DLGAP1: variants seen among roughly 807,000 people sequenced by gnomAD.
The protein encoded by DLGAP1 is DLG associated protein 1.
Under a neutral mutation model 90.8 loss-of-function variants are expected in DLGAP1, and 11 were observed. That is an observed-to-expected ratio of 0.12 (90% CI 0.08 to 0.20). The LOEUF is 0.20. DLGAP1 is among the 10% of genes least tolerant of loss of function. The probability of loss-of-function intolerance (pLI) is 1.00; values close to 1 mark genes in which losing one functional copy is unlikely to be tolerated. For synonymous variants in DLGAP1, 558 were observed against 540.7 expected, an observed-to-expected ratio of 1.03 and a Z score of -0.44; for missense variants, 1,050 against 1,333.8, an observed-to-expected ratio of 0.79 and a Z score of 3.31.
chr18:4,435,298 TA>T (rs1392982545), intron 1 of DLGAP1, among the ~76,000 whole-genome samples: 1 of 152,112 alleles, frequency 6.6e-6, no homozygotes, highest in Non-Finnish European at 1.5e-5. Flanking sequence ...TACAAGGAAG[TA>T]AAAGTGTAGG....
intron 3 of DLGAP1, among the ~76,000 whole-genome samples, chr18:3,967,970 G>A (rs2073365363): frequency 6.6e-6 from 1 of 151,806 alleles, no homozygotes; most frequent in Non-Finnish European, 1.5e-5. Flanking sequence ...CCTTGTGGCT[G>A]TTTTGAACAT....
intron 2 of DLGAP1, among the ~76,000 whole-genome samples, chr18:4,150,170 A>T (rs547883550): frequency 6.6e-6 from 1 of 152,168 alleles, no homozygotes; most frequent in Non-Finnish European, 1.5e-5. Context: ...GCTCCCTAAT[A>T]AATTGCCATA....
chr18:4,108,309 C>T (rs1165684002), intron 2 of DLGAP1, among the ~76,000 whole-genome samples: 2 of 152,162 alleles, frequency 1.3e-5, no homozygotes, highest in East Asian at 1.9e-4. Context: ...TTAGATCACA[C>T]CCATTGGTCC....
intron 3 of DLGAP1, among the ~76,000 whole-genome samples, chr18:3,966,978 G>A (rs2073345073): frequency 6.6e-6 from 1 of 152,100 alleles, no homozygotes; most frequent in Non-Finnish European, 1.5e-5. Context: ...GGAGGAGGAG[G>A]AGAAAGCCAG....
intron 2 of DLGAP1, among the ~76,000 whole-genome samples, chr18:4,080,095 C>A (rs1160422664): frequency 1.3e-5 from 2 of 152,094 alleles, no homozygotes; most frequent in South Asian, 2.1e-4. Flanking sequence ...AGTGAAAGAG[C>A]TATGTTCCTA....
rs186625635 is a variant in DLGAP1 at position 3,976,415 on chromosome 18, T to C, written c.-73+28701A>G. Among the ~76,000 whole-genome samples, 44 of 151,964 alleles carry C rather than the reference T, an allele frequency of 2.9e-4. No homozygotes were observed. The East Asian group carries it at 6.6e-3, about 23-fold the overall frequency. On this transcript the variant is annotated intron_variant, in intron 3 of 12. Transcript: ENST00000315677. Reference sequence around the variant, plus strand: ...TTATACATATTACCATAATAACAAATGCATTAAGGAAAATATAGAGAATAG... The same window carrying C: ...TTATACATATTACCATAATAACAAACGCATTAAGGAAAATATAGAGAATAG...
chr18:4,305,374 A>C (rs1475684541), intron 1 of DLGAP1, among the ~76,000 whole-genome samples: 2 of 152,024 alleles, frequency 1.3e-5, no homozygotes, highest in Non-Finnish European at 2.9e-5. Flanking sequence ...GTCTCTACTA[A>C]AAATACAAAA....
chr18:3,854,633 C>T (rs977852224), intron 4 of DLGAP1, among the ~76,000 whole-genome samples: 5 of 152,126 alleles, frequency 3.3e-5, no homozygotes, highest in African/African-American at 1.2e-4. Flanking sequence ...TGGCCCTTGC[C>T]TAGAATACAC....
intron 2 of DLGAP1, among the ~76,000 whole-genome samples, chr18:4,147,567 A>C (rs911032878): frequency 7.0e-6 from 1 of 142,578 alleles, no homozygotes; most frequent in Non-Finnish European, 1.5e-5. Flanking sequence ...CTGTTCATCC[A>C]TTCTTCCATC....
At chr18:3,678,344 C>T (rs2060386345) in intron 7 of DLGAP1, among the ~76,000 whole-genome samples, 2 of 152,068 alleles carry the variant, frequency 1.3e-5, no homozygotes, top group African/African-American at 2.4e-5. Context: ...GGAATTATCT[C>T]TCTATCTCTG....
chr18:4,194,382 A>G (rs904111021), intron 1 of DLGAP1, among the ~76,000 whole-genome samples: 3 of 152,228 alleles, frequency 2.0e-5, no homozygotes, highest in Non-Finnish European at 4.4e-5. Context: ...AAAGATTAAG[A>G]TACACATTTA....
At chr18:4,133,723 G>A (rs181406214) in intron 2 of DLGAP1, among the ~76,000 whole-genome samples, 32 of 152,204 alleles carry the variant, frequency 2.1e-4, no homozygotes, top group African/African-American at 5.8e-4. Context: ...TGTCTGGTAC[G>A]GAAGGATTCA....
intron 6 of DLGAP1, 144 bp downstream of exon 6, chr18:3,742,191 T>G: frequency 1.9e-6 from 2 of 1,056,868 alleles, no homozygotes; most frequent in Non-Finnish European, 2.7e-6. Flanking sequence ...GGCATGCTCT[T>G]TGCAGCACTT....
intron 1 of DLGAP1, among the ~76,000 whole-genome samples, chr18:4,204,383 G>A (rs1220193273): frequency 6.6e-6 from 1 of 152,114 alleles, no homozygotes; most frequent in East Asian, 1.9e-4. Context: ...CAACTCAATG[G>A]GCAGGAAGTC....
At chr18:3,985,121 C>T (rs1327189467) in intron 3 of DLGAP1, among the ~76,000 whole-genome samples, 2 of 152,202 alleles carry the variant, frequency 1.3e-5, no homozygotes, top group South Asian at 2.1e-4. Flanking sequence ...ATACCAGCCA[C>T]ATGCATCTGC....
intron 1 of DLGAP1, among the ~76,000 whole-genome samples, chr18:4,321,887 C>T (rs982138350): frequency 2.6e-5 from 4 of 152,106 alleles, no homozygotes; most frequent in Admixed American, 6.6e-5. Flanking sequence ...TGGTGGCATC[C>T]TACTACCTGA....
intron 2 of DLGAP1, among the ~76,000 whole-genome samples, chr18:4,099,637 G>A (rs1182426355): frequency 2.0e-5 from 3 of 151,878 alleles, no homozygotes; most frequent in African/African-American, 7.3e-5. Context: ...GTTGGTGGCT[G>A]CTGATGATCA....
chr18:4,086,722 T>G (rs1442909747), intron 2 of DLGAP1, among the ~76,000 whole-genome samples: 2 of 152,104 alleles, frequency 1.3e-5, no homozygotes, highest in Non-Finnish European at 2.9e-5. Flanking sequence ...CAATATGATC[T>G]CTCTTGGTGA....
At chr18:4,017,195 A>G (rs1189015094) in intron 2 of DLGAP1, among the ~76,000 whole-genome samples, 3 of 152,240 alleles carry the variant, frequency 2.0e-5, no homozygotes, top group African/African-American at 7.2e-5. Flanking sequence ...TATGTTGCAC[A>G]TCATCTCTGC....
Sources: allele counts gnomAD v4.1 joint callset (sites outside exome capture counted in the v4.1 genomes callset), GRCh38; gene constraint gnomAD v4.1.1; transcripts MANE v1.5; gene names NCBI Gene and HGNC (gene_info 2026-07-23, HGNC 2026-07-21).